The following BRWD1 variants were observed in gnomAD, a reference collection of about 807,000 sequenced individuals.
The protein encoded by BRWD1 is bromodomain and WD repeat domain containing 1, also known as bromodomain and WD repeat-containing protein 1.
A neutral mutation model predicts 251.2 loss-of-function variants in BRWD1; 82 were observed. That is an observed-to-expected ratio of 0.33 (90% CI 0.27 to 0.39). The LOEUF (loss-of-function observed/expected upper bound fraction) is 0.39. Among genes scored for constraint, BRWD1 ranks in the 10% least tolerant of loss-of-function variants. BRWD1 has a pLI of 1.00. For missense variants in BRWD1, 2,233 were observed against 2,711.6 expected, an observed-to-expected ratio of 0.82 and a Z score of 3.92; for synonymous variants, 918 against 902.8, an observed-to-expected ratio of 1.02 and a Z score of -0.30.
chr21:39,254,937 T>C lies in BRWD1; in HGVS notation c.2255+708A>G, dbSNP rs148844431. On this transcript the variant is annotated intron_variant, in intron 19 of 40. Transcript: ENST00000342449. ...TAAACACAGCCTGGATATTTGGTTA[T>C]ACTGAGAAACCAAGGTACGGTTTTT... Among the ~76,000 whole-genome samples the C allele has an allele frequency of 1.3e-4, 20 of 152,342 alleles. No homozygotes were observed. In the East Asian group the frequency reaches 3.9e-3, roughly 29 times the overall value.
chr21:39,189,382 C>T lies in BRWD1; in HGVS notation c.*6877G>A, dbSNP rs540844558. 1.7e-4 allele frequency: 164 copies of T among 981,064 alleles called. No homozygotes were observed. In the African/African-American group the frequency reaches 2.6e-3, roughly 15 times the overall value. The allele number at this position is 981,064 out of a possible 1,614,324, so 60.8% of individuals were successfully genotyped here. A position where few individuals can be genotyped will look rare whatever the true frequency, so the allele number is the denominator to read the frequency against. On this transcript the variant is annotated 3_prime_UTR_variant, in exon 41 of 41. Transcript: ENST00000342449. ...TCCATTTTGATGTGTGATCAAAGTA[C>T]CTATACTGACAATTTAGGAACCTAG...
At chr21:39,247,609 T>G in intron 21 of BRWD1, 92 bp downstream of exon 21, 1 of 1,299,538 alleles carries the variant, frequency 7.7e-7, no homozygotes, top group Non-Finnish European at 1.0e-6. Context: ...TGCTGTGTTT[T>G]CATATAAATT....
intron 4 of BRWD1, among the ~76,000 whole-genome samples, chr21:39,311,208 C>T (rs1202245201): frequency 6.6e-6 from 1 of 152,032 alleles, no homozygotes; most frequent in East Asian, 1.9e-4. Flanking sequence ...TGCTCCATCT[C>T]CCAGGCTGGA....
intron 27 of BRWD1, among the ~76,000 whole-genome samples, chr21:39,226,455 C>T (rs1236713211): frequency 6.6e-6 from 1 of 152,160 alleles, no homozygotes; most frequent in Non-Finnish European, 1.5e-5. Context: ...TTACAGGAGG[C>T]ATCTGGGACT....
intron 8 of BRWD1, among the ~76,000 whole-genome samples, chr21:39,280,839 T>C (rs1014128037): frequency 2.0e-5 from 3 of 152,156 alleles, no homozygotes; most frequent in African/African-American, 7.2e-5. Flanking sequence ...TTAAATATTT[T>C]GAAAACAAAG....
intron 8 of BRWD1, among the ~76,000 whole-genome samples, chr21:39,286,016 C>CTTTTTTTTTT (rs57151774): frequency 0.38 from 39,931 of 103,986 alleles, 9,933 homozygotes; most frequent in Admixed American, 0.44. Flanking sequence ...ACCATATGAA[C>CTTTTTTTTTT]TTTTTTTTTT....
intron 21 of BRWD1, among the ~76,000 whole-genome samples, chr21:39,242,355 G>C (rs968601846): frequency 6.6e-6 from 1 of 152,178 alleles, no homozygotes; most frequent in African/African-American, 2.4e-5. Flanking sequence ...CCAGAGCAAG[G>C]CCCTAACTCT....
At chr21:39,297,859 T>A (rs1483877664) in intron 5 of BRWD1, 1 of 975,298 alleles carries the variant, frequency 1.0e-6, no homozygotes, top group African/African-American at 1.8e-5. Context: ...CACATACATA[T>A]ACTTAGTCTA....
intron 17 of BRWD1, 30 bp downstream of exon 17, chr21:39,264,430 A>T (rs1212036449): frequency 9.5e-4 from 26 of 27,452 alleles, no homozygotes; most frequent in African/African-American, 1.7e-3. Context: ...TACAACTTTA[A>T]AAAAAAAAAA....
At chr21:39,290,863 G>A (rs1344826297) in intron 8 of BRWD1, among the ~76,000 whole-genome samples, 3 of 152,116 alleles carry the variant, frequency 2.0e-5, no homozygotes, top group Non-Finnish European at 2.9e-5. Context: ...AAGGCACGGT[G>A]GCTCAGGCTT....
At chr21:39,309,220 G>A (rs999110323) in intron 4 of BRWD1, among the ~76,000 whole-genome samples, 2 of 151,684 alleles carry the variant, frequency 1.3e-5, no homozygotes, top group Non-Finnish European at 2.9e-5. Context: ...GCTCACACCT[G>A]TAATTCCAAC....
chr21:39,297,360 A>G (rs1263095790), intron 5 of BRWD1: 51 of 985,312 alleles, frequency 5.2e-5, no homozygotes, highest in Non-Finnish European at 6.1e-5. Context: ...GGGTACCAGT[A>G]CAAAACAAAC....
At chr21:39,268,737 A>G (rs2035006357) in intron 15 of BRWD1, among the ~76,000 whole-genome samples, 1 of 152,182 alleles carries the variant, frequency 6.6e-6, no homozygotes, top group South Asian at 2.1e-4. Flanking sequence ...CTGTAATCCC[A>G]ACACTTTGGG....
chr21:39,227,879 T>C (rs950128555), intron 27 of BRWD1, among the ~76,000 whole-genome samples: 2 of 152,168 alleles, frequency 1.3e-5, no homozygotes, highest in Non-Finnish European at 2.9e-5. Flanking sequence ...TACAATATAG[T>C]ACAGGGAAGT....
chr21:39,292,802 T>C (rs947149143), intron 8 of BRWD1, among the ~76,000 whole-genome samples: 1 of 152,246 alleles, frequency 6.6e-6, no homozygotes, highest in Non-Finnish European at 1.5e-5. Context: ...GTTTCTTTTA[T>C]TCTACAGCAA....
intron 20 of BRWD1, 47 bp from the exon 21 acceptor site, chr21:39,247,879 G>C: frequency 6.7e-7 from 1 of 1,501,212 alleles, no homozygotes; most frequent in Middle Eastern, 1.8e-4. Context: ...CCTAAATAAG[G>C]ACAATATCAA....
At chr21:39,290,380 T>G (rs2035773153) in intron 8 of BRWD1, among the ~76,000 whole-genome samples, 1 of 151,564 alleles carries the variant, frequency 6.6e-6, no homozygotes, top group Non-Finnish European at 1.5e-5. Flanking sequence ...CCCCAGCTAC[T>G]CGGGAGGCTG....
chr21:39,290,377 T>A (rs1449506128), intron 8 of BRWD1, among the ~76,000 whole-genome samples: 1 of 151,614 alleles, frequency 6.6e-6, no homozygotes, highest in Non-Finnish European at 1.5e-5. Context: ...TAGCCCCAGC[T>A]ACTCGGGAGG....
chr21:39,317,699 C>T (rs7282228), upstream of BRWD1, among the ~76,000 whole-genome samples: 2,170 of 152,316 alleles, frequency 0.014, 49 homozygotes, highest in African/African-American at 0.049. Flanking sequence ...GTGATAAGTA[C>T]GTGTGTAATC....
Sources: allele counts gnomAD v4.1 joint callset (sites outside exome capture counted in the v4.1 genomes callset), GRCh38; gene constraint gnomAD v4.1.1; transcripts MANE v1.5; gene names NCBI Gene and HGNC (gene_info 2026-07-23, HGNC 2026-07-21).